The following CLEC16A variants were observed in gnomAD, a reference collection of about 807,000 sequenced individuals.
CLEC16A encodes the protein protein CLEC16A.
A neutral mutation model predicts 109.5 loss-of-function variants in CLEC16A; 51 were observed. The observed-to-expected ratio is 0.47, with a 90% CI of 0.37 to 0.59. CLEC16A has a LOEUF of 0.59. CLEC16A is among the 20% of genes least tolerant of loss of function. CLEC16A has a pLI of 0.00. For synonymous variants in CLEC16A, 673 were observed against 564.2 expected, an observed-to-expected ratio of 1.19 and a Z score of -2.73; for missense variants, 1,339 against 1,394.0, an observed-to-expected ratio of 0.96 and a Z score of 0.63.
chr16:11,023,798 C>G (rs778605233), intron 12 of CLEC16A, among the ~76,000 whole-genome samples: 19 of 152,192 alleles, frequency 1.2e-4, no homozygotes, highest in Non-Finnish European at 1.2e-4. Flanking sequence ...TAAATGTGCC[C>G]TTGGTCACTC....
At chr16:11,011,751 C>A (rs1324789152) in intron 11 of CLEC16A, among the ~76,000 whole-genome samples, 1 of 152,132 alleles carries the variant, frequency 6.6e-6, no homozygotes, top group Non-Finnish European at 1.5e-5. Flanking sequence ...CATATACATA[C>A]ATATAAGCAT....
intron 19 of CLEC16A, among the ~76,000 whole-genome samples, chr16:11,091,943 G>A (rs1597357860): frequency 6.6e-6 from 1 of 152,122 alleles, no homozygotes; most frequent in Non-Finnish European, 1.5e-5. Flanking sequence ...ACTGCCATGG[G>A]TTTGCTTCCT....
chr16:11,024,787 C>T (rs200713084), intron 12 of CLEC16A, 34 bp from the exon 13 acceptor site: 63 of 1,512,280 alleles, frequency 4.2e-5, no homozygotes, highest in Non-Finnish European at 5.5e-5. Flanking sequence ...CCTTGTGCAC[C>T]GTGAGGCTCA....
intron 19 of CLEC16A, among the ~76,000 whole-genome samples, chr16:11,076,604 A>G (rs2049389909): frequency 6.6e-6 from 1 of 152,094 alleles, no homozygotes; most frequent in African/African-American, 2.4e-5. Context: ...GTGATTGCTC[A>G]GGCCTCAGGA....
chr16:10,991,730 A>C (rs2044027778), intron 10 of CLEC16A, among the ~76,000 whole-genome samples: 1 of 152,184 alleles, frequency 6.6e-6, no homozygotes, highest in Non-Finnish European at 1.5e-5. Flanking sequence ...CATATCTCTA[A>C]TGAGCGGTGG....
intron 13 of CLEC16A, among the ~76,000 whole-genome samples, chr16:11,032,119 C>T (rs1419728387): frequency 6.6e-6 from 1 of 152,130 alleles, no homozygotes; most frequent in African/African-American, 2.4e-5. Flanking sequence ...GAGTGAGGAC[C>T]CGTTTCCTGA....
intron 10 of CLEC16A, among the ~76,000 whole-genome samples, chr16:10,990,490 G>A (rs1337357326): frequency 6.6e-6 from 1 of 152,210 alleles, no homozygotes; most frequent in Non-Finnish European, 1.5e-5. Flanking sequence ...CCAGGGCCGC[G>A]GGTGACTGTG....
chr16:11,165,092 G>A (rs971218275), intron 22 of CLEC16A, among the ~76,000 whole-genome samples: 1 of 152,152 alleles, frequency 6.6e-6, no homozygotes, highest in Non-Finnish European at 1.5e-5. Context: ...ATCACCATGG[G>A]TCCTGCTTGG....
intron 19 of CLEC16A, among the ~76,000 whole-genome samples, chr16:11,062,899 G>A (rs115333130): frequency 6.7e-6 from 1 of 150,248 alleles, no homozygotes; most frequent in Admixed American, 6.7e-5. Flanking sequence ...TTGGGGGGGT[G>A]GGGGAGGGCA....
intron 7 of CLEC16A, among the ~76,000 whole-genome samples, chr16:10,973,307 C>T (rs985566200): frequency 3.9e-5 from 6 of 152,268 alleles, no homozygotes; most frequent in South Asian, 2.1e-4. Flanking sequence ...GGGGCTGCTA[C>T]GCAGCTGGTG....
At chr16:11,116,251 C>T (rs1026457362) in intron 19 of CLEC16A, among the ~76,000 whole-genome samples, 2 of 151,578 alleles carry the variant, frequency 1.3e-5, no homozygotes, top group African/African-American at 2.4e-5. Flanking sequence ...AAAAAATAGC[C>T]AGGCGTGGTG....
intron 19 of CLEC16A, among the ~76,000 whole-genome samples, chr16:11,068,021 T>C (rs1232158354): frequency 6.6e-6 from 1 of 152,212 alleles, no homozygotes; most frequent in Non-Finnish European, 1.5e-5. Context: ...TTGCTCTCCT[T>C]CTGGCTGTTT....
intron 1 of CLEC16A, among the ~76,000 whole-genome samples, chr16:10,956,495 A>G (rs1245376692): frequency 6.6e-6 from 1 of 151,992 alleles, no homozygotes; most frequent in Non-Finnish European, 1.5e-5. Context: ...TTCCTGAGTC[A>G]CTTCCTCTTG....
chr16:11,062,824 G>T (rs2152907886), intron 19 of CLEC16A, among the ~76,000 whole-genome samples: 1 of 147,566 alleles, frequency 6.8e-6, no homozygotes, highest in African/African-American at 2.5e-5. Context: ...AATTGATCAA[G>T]TTGGCTGCAA....
intron 3 of CLEC16A, among the ~76,000 whole-genome samples, chr16:10,964,493 A>G (rs2042406901): frequency 6.6e-6 from 1 of 152,240 alleles, no homozygotes; most frequent in Admixed American, 6.5e-5. Flanking sequence ...AGAGGAGAGC[A>G]CAGTGGCTGC....
chr16:11,046,032 G>A (rs973714409), intron 16 of CLEC16A, among the ~76,000 whole-genome samples: 2 of 152,010 alleles, frequency 1.3e-5, no homozygotes, highest in Non-Finnish European at 2.9e-5. Flanking sequence ...ATCCCAAACC[G>A]CACTTGGCCT....
At chr16:11,129,660 G>A (rs1047378001) in intron 22 of CLEC16A, among the ~76,000 whole-genome samples, 20 of 152,022 alleles carry the variant, frequency 1.3e-4, no homozygotes, top group Admixed American at 3.3e-4. Context: ...GCTGCCTCCC[G>A]CTAACGGCTC....
chr16:11,083,140 T>C (rs1388996243), intron 19 of CLEC16A, among the ~76,000 whole-genome samples: 1 of 131,120 alleles, frequency 7.6e-6, no homozygotes, highest in Non-Finnish European at 1.6e-5. Flanking sequence ...TGTTTTGTTG[T>C]TGTTGTTGTT....
intron 19 of CLEC16A, among the ~76,000 whole-genome samples, chr16:11,067,924 G>A (rs1297982531): frequency 3.3e-5 from 5 of 152,192 alleles, no homozygotes; most frequent in Non-Finnish European, 5.9e-5. Context: ...CCAAACCGTC[G>A]TACCTTTGAA....
Sources: allele counts gnomAD v4.1 joint callset (sites outside exome capture counted in the v4.1 genomes callset), GRCh38; gene constraint gnomAD v4.1.1; transcripts MANE v1.5; gene names NCBI Gene and HGNC (gene_info 2026-07-23, HGNC 2026-07-21).